The following SETD1B variants were observed in gnomAD, a reference collection of about 807,000 sequenced individuals.
SETD1B encodes the protein SET domain containing 1B, histone lysine methyltransferase.
A neutral mutation model predicts 148.0 loss-of-function variants in SETD1B; 7 were observed. The observed-to-expected ratio is 0.05, with a 90% confidence interval of 0.03 to 0.09. The LOEUF (loss-of-function observed/expected upper bound fraction) is 0.09, where lower values mean the gene tolerates loss of function less well. Ranked by LOEUF, SETD1B falls within the 10% of genes least tolerant of loss-of-function variation. The pLI, the probability that SETD1B is intolerant of heterozygous loss-of-function variation, is 1.00. For missense variants in SETD1B, 2,155 were observed against 2,729.9 expected (o/e 0.79, Z 4.69); for synonymous variants, 1,361 against 1,186.5 (o/e 1.15, Z -3.02).
Position 121,823,309 on chromosome 12 carries a change from C to G in SETD1B, c.4730C>G (p.Ala1577Gly). The G allele has an allele frequency of 6.5e-7, 1 of 1,547,998 alleles. No homozygotes were observed. Among genetic ancestry groups the G allele is most frequent in the Non-Finnish European group, 8.7e-7 (1 of 1,146,378 alleles). ...ACGGTGACCCTGGACTTCCGGAACG[C>G]GGGGATCCCAGCCCCTCCACCACCC... ...PRTVTLDFRN[A>G]GIPAPPPPLP... Residue 1577 changes from alanine (A) to glycine (G), a missense_variant, in exon 12 of 17, where the codon GCG (alanine) becomes GGG (glycine). Around this residue, in one of 11 missense-constraint regions of SETD1B, gnomAD observed 862 missense variants for 873.8 expected, o/e 0.99. Transcript: ENST00000604567.
In SETD1B at chr12:121,805,611, A is replaced by G. The variant is rs985838597; in HGVS notation, c.274-224A>G. 5.3e-5 allele frequency among the ~76,000 whole-genome samples: 8 copies of G among 151,940 alleles called. No homozygotes were observed. Among genetic ancestry groups the G allele is most frequent in the African/African-American group, 1.9e-4 (8 of 41,342 alleles). Reference sequence around the variant, plus strand: ...CTTTTTCCCCTTTCCTTCCGAACCCAGAGGACTTCCACGTTCCAAACGATT... The same window carrying G: ...CTTTTTCCCCTTTCCTTCCGAACCCGGAGGACTTCCACGTTCCAAACGATT... On this transcript the variant is annotated intron_variant, in intron 3 of 16. Coordinates refer to ENST00000604567, the MANE Select transcript of SETD1B (RefSeq NM_001353345.2). The surrounding 1 kb of genome is among the most constrained non-coding windows in gnomAD (Gnocchi z 4.2).
chr12:121,822,659 C>A lies in SETD1B; in HGVS notation c.4080C>A (p.Pro1360=), dbSNP rs1456154301. 6.4e-7 allele frequency: 1 copy of A among 1,550,616 alleles called. No homozygotes were observed. Among genetic ancestry groups the A allele is most frequent in the Middle Eastern group, 1.7e-4 (1 of 5,986 alleles). ...VPPEPLAEDH[P]PHTPGLCGSL... ...CGGAGCCCCTTGCCGAGGACCACCCCCCGCATACTCCAGGCCTCTGTGGCA... is the reference window on the plus strand; with the variant it reads ...CGGAGCCCCTTGCCGAGGACCACCCACCGCATACTCCAGGCCTCTGTGGCA... The change falls in exon 12 of 17, where the codon CCC becomes CCA. Residue 1360 remains proline (P), a synonymous_variant. Transcript: ENST00000604567.
chr12:121,793,002 G>A, the SETD1B span: 1 of 670,410 alleles, frequency 1.5e-6, no homozygotes, highest in Non-Finnish European at 2.5e-6. Context: ...GGGCCCCGCA[G>A]CCAGCGCCCC....
At position 121,830,357 on chromosome 12, in the gene SETD1B, C is replaced by G; in HGVS notation, c.*118C>G. On this transcript the variant is annotated 3_prime_UTR_variant, in exon 17 of 17. Transcript: ENST00000604567. The surrounding 1 kb of genome is among the most constrained non-coding windows in gnomAD (Gnocchi z 5.7). ...CCCCATTTCAGGTGCTGTCCTCTAC[C>G]CAGCGGCCATTCAGGGCCTGGCGCC... is the stretch of plus-strand genomic sequence containing the variant. 2 of 1,031,786 alleles carry G rather than the reference C, an allele frequency of 1.9e-6. No individual in the cohort carries two copies. 63.9% of individuals were successfully genotyped at this position (1,031,786 alleles called of 1,614,324 possible).
chr12:121,823,337 T>TCCCCC lies in SETD1B; in HGVS notation c.4761_4765dup (p.Gln1589ProfsTer13). On this transcript the variant is annotated frameshift_variant, in exon 12 of 17. Transcript: ENST00000604567. LOFTEE classifies it high-confidence loss of function. ...GGATCCCAGCCCCTCCACCACCCCTTCCCCCCCAGCCACCCCCACCCCCAC... is the reference window on the plus strand; with the variant it reads ...GGATCCCAGCCCCTCCACCACCCCTTCCCCCCCCCCCCAGCCACCCCCACCCCCAC... The TCCCCC allele has an allele frequency of 1.1e-5, 9 of 809,482 alleles. No homozygotes were observed. Among genetic ancestry groups the TCCCCC allele is most frequent in the South Asian group, 3.0e-5 (2 of 67,358 alleles). The allele number at this position is 809,482 out of a possible 1,614,324, so 50.1% of individuals were successfully genotyped here.
chr12:121,807,560 G>T (rs561356991), intron 4 of SETD1B, among the ~76,000 whole-genome samples: 1 of 152,056 alleles, frequency 6.6e-6, no homozygotes, highest in South Asian at 2.1e-4. Context: ...CTCCAGGAAC[G>T]TGTCTTTTTT....
In SETD1B at chr12:121,804,518, C is replaced by T. The variant is rs1875611911; in HGVS notation, c.-14-206C>T. Among the ~76,000 whole-genome samples the T allele has an allele frequency of 6.6e-6, 1 of 151,144 alleles. No homozygotes were observed. Among genetic ancestry groups the T allele is most frequent in the African/African-American group, 2.4e-5 (1 of 41,190 alleles). Reference sequence around the variant, plus strand: ...CTCGCTGCCGCCCCGAGACGGTGGCCGAGCGGGCGGGCGCGTAATTCTCCC... The same window carrying T: ...CTCGCTGCCGCCCCGAGACGGTGGCTGAGCGGGCGGGCGCGTAATTCTCCC... On this transcript the variant is annotated intron_variant, in intron 1 of 16. Transcript: ENST00000604567. This position sits in a 1 kb window ranked among gnomAD's most constrained non-coding sequence, Gnocchi z 4.6.
upstream of SETD1B, chr12:121,803,108 C>T (rs1041840328): frequency 6.6e-6 from 1 of 152,028 alleles, no homozygotes; most frequent in African/African-American, 2.4e-5. The surrounding 1 kb of genome is among the most constrained non-coding windows in gnomAD (Gnocchi z 4.7). Context: ...CTCCGAGCCC[C>T]GGCGAGGCGG....
chr12:121,802,910 C>G (rs1875462169), upstream of SETD1B: 1 of 152,244 alleles, frequency 6.6e-6, no homozygotes, highest in Admixed American at 6.5e-5. Flanking sequence ...AGAAAAATGG[C>G]TTCCCTCATC....
At chr12:121,794,547 AT>A in the SETD1B span, among the ~76,000 whole-genome samples, 1 of 152,266 alleles carries the variant, frequency 6.6e-6, no homozygotes, top group South Asian at 2.1e-4. Context: ...CCACCAAGAA[AT>A]GTAAGAAAAT....
Position 121,809,792 on chromosome 12 carries a change from T to G in SETD1B, c.847T>G (p.Phe283Val), listed in dbSNP as rs1875926217. Residue 283 changes from phenylalanine to valine, a missense_variant, in exon 6 of 17, where the codon TTC becomes GTC. This residue lies in a region of SETD1B where 376 missense variants were observed against 385.0 expected (regional missense o/e 0.98). Coordinates refer to ENST00000604567, the MANE Select transcript of SETD1B (RefSeq NM_001353345.2). ...GCTCACACCGCGCCTGGGCACCCCT[T>G]TCTCACAGGACTCCAGCTACTCCAG... is the stretch of plus-strand genomic sequence containing the variant. ...TPLTPRLGTP[F>V]SQDSSYSSRQ... 2 of 1,551,354 alleles carry G rather than the reference T, an allele frequency of 1.3e-6. No individual in the cohort carries two copies. The highest frequency in any genetic ancestry group is 1.7e-6 in the Non-Finnish European group (2 of 1,146,946).
At chr12:121,806,221 C>G in intron 4 of SETD1B, 116 bp downstream of exon 4, 1 of 1,175,960 alleles carries the variant, frequency 8.5e-7, no homozygotes, top group Non-Finnish European at 1.2e-6. Context: ...TCCCCCCCCA[C>G]AACCTTATTT....
rs1485712294 is a variant in SETD1B, at chr12:121,823,140, C to T, written c.4561C>T (p.Arg1521Trp). The T allele has an allele frequency of 1.3e-6, 2 of 1,538,368 alleles. No homozygotes were observed. The highest frequency in any genetic ancestry group is 1.2e-5 in the South Asian group (1 of 83,992). ...TCCCCCAATGAAGAGGAAGCCGGGCCGGCCCCGGCGATCCCCACCATCTAT... is the reference window on the plus strand; with the variant it reads ...TCCCCCAATGAAGAGGAAGCCGGGCTGGCCCCGGCGATCCCCACCATCTAT... ...CPPPMKRKPG[R>W]PRRSPPSMLS... Residue 1521 changes from arginine to tryptophan, a missense_variant, in exon 12 of 17, where the codon CGG becomes TGG. Physicochemically the swap from Arg to Trp is moderately radical, Grantham distance 101. This residue lies in a region of SETD1B where 862 missense variants were observed against 873.8 expected (regional missense o/e 0.99). Transcript: ENST00000604567.
chr12:121,817,587 C>T lies in SETD1B; in HGVS notation c.3195C>T (p.Ser1065=), dbSNP rs938181567. 38 of 1,551,304 alleles carry T rather than the reference C, an allele frequency of 2.4e-5. No individual in the cohort carries two copies. Among genetic ancestry groups the T allele is most frequent in the Admixed American group, 3.9e-5 (2 of 50,992 alleles). ...CCACCTCACCCTCGTCCTCGGCCTC[C>T]GACAAGGAGGAGGAACAGGAGAGCA... ...SSTTSPSSSA[S]DKEEEQESTE... The change falls in exon 9 of 17, where the codon TCC becomes TCT. Residue 1065 remains serine, a synonymous_variant. Transcript: ENST00000604567. This position sits in a 1 kb window ranked among gnomAD's most constrained non-coding sequence, Gnocchi z 8.1.
At chr12:121,827,912 C>T in intron 15 of SETD1B, 21 bp from the exon 16 acceptor site, 3 of 1,552,244 alleles carry the variant, frequency 1.9e-6, no homozygotes, top group Non-Finnish European at 2.6e-6. Flanking sequence ...CCCAGCCAGA[C>T]TGACCCCCTT....
chr12:121,818,114 C>G lies in SETD1B; in HGVS notation c.3418+210C>G, dbSNP rs1362188880. On this transcript the variant is annotated intron_variant, in intron 10 of 16. Transcript: ENST00000604567. ...ATGTCCATAGAAATAGAAAGCAGGTCTGTGGTCCTTAGGGCTGGGGAGCCC... is the reference window on the plus strand; with the variant it reads ...ATGTCCATAGAAATAGAAAGCAGGTGTGTGGTCCTTAGGGCTGGGGAGCCC... 2.0e-5 allele frequency among the ~76,000 whole-genome samples: 3 copies of G among 152,204 alleles called. No homozygotes were observed. In the South Asian group the frequency reaches 6.2e-4, roughly 31 times the overall value.
At chr12:121,818,862 C>G (rs1876426785) in intron 10 of SETD1B, among the ~76,000 whole-genome samples, 1 of 146,028 alleles carries the variant, frequency 6.8e-6, no homozygotes, top group South Asian at 2.2e-4. Context: ...TGCACTCCAC[C>G]CTGGGCGACA....
rs373414497 is a variant in SETD1B, at chr12:121,809,819, C to T, written c.874C>T (p.Arg292Cys). The change falls in exon 6 of 17, where the codon CGC (arginine) becomes TGC (cysteine). Residue 292 changes from arginine to cysteine, a missense_variant. Around this residue, in one of 11 missense-constraint regions of SETD1B, gnomAD observed 376 missense variants for 385.0 expected, o/e 0.98. Transcript: ENST00000604567. The stretch of plus-strand genomic sequence containing the variant: ...CTCACAGGACTCCAGCTACTCCAGC[C>T]GCCAGCCCACACCCTCATACCTCTT... ...PFSQDSSYSSRQPTPSYLFSQ... is the reference protein window; with the variant it reads ...PFSQDSSYSSCQPTPSYLFSQ... 7 of 1,551,462 alleles carry T rather than the reference C, an allele frequency of 4.5e-6. No homozygotes were observed. In the Admixed American group the frequency reaches 7.8e-5, roughly 17 times the overall value.
intron 11 of SETD1B, 93 bp downstream of exon 11, chr12:121,819,988 A>G: frequency 9.5e-7 from 1 of 1,052,962 alleles, no homozygotes; most frequent in South Asian, 1.5e-5. Context: ...TAGATCGCTG[A>G]CCGTCCCCAG....
Sources: gnomAD v4.1 joint callset for allele counts (sites outside exome capture counted in the v4.1 genomes callset) on GRCh38, gnomAD v4.1.1 for gene constraint, gnomAD v4.1.1 regional missense constraint, Gnocchi (gnomAD v3.1) non-coding constraint, MANE v1.5 for transcripts, NCBI Gene and HGNC (gene_info 2026-07-23, HGNC 2026-07-21) for gene names.